Variants in RYR3 observed in about 807,000 individuals in gnomAD.
RYR3 encodes ryanodine receptor 3.
A neutral mutation model predicts 584.3 loss-of-function variants in RYR3; 207 were observed. The observed-to-expected ratio is 0.35, with a 90% CI of 0.32 to 0.40. The LOEUF is 0.40. RYR3 is among the 10% of genes least tolerant of loss of function. The pLI is 1.00. For missense variants in RYR3, 5,616 were observed against 6,089.2 expected, an observed-to-expected ratio of 0.92 and a Z score of 2.59; for synonymous variants, 2,416 against 2,248.5, an observed-to-expected ratio of 1.07 and a Z score of -2.11.
chr15:33,344,228 T>C (rs541351264), intron 1 of RYR3, among the ~76,000 whole-genome samples: 147 of 152,338 alleles, frequency 9.6e-4, no homozygotes, highest in African/African-American at 3.2e-3. Flanking sequence ...ATGGAAACTC[T>C]CTTGCTGACT....
At chr15:33,337,933 G>GTTTTT (rs1567050796) in intron 1 of RYR3, among the ~76,000 whole-genome samples, 3 of 84,118 alleles carry the variant, frequency 3.6e-5, no homozygotes, top group Non-Finnish European at 5.0e-5. Flanking sequence ...CATTTTAGGA[G>GTTTTT]ATTTTTTTTT....
intron 27 of RYR3, among the ~76,000 whole-genome samples, chr15:33,641,481 T>C (rs2061821494): frequency 6.6e-6 from 1 of 152,236 alleles, no homozygotes; most frequent in African/African-American, 2.4e-5. Context: ...GTTACAAGAT[T>C]TTTAAATGCC....
chr15:33,854,649 C>T, intron 97 of RYR3, 117 bp from the exon 98 acceptor site: 1 of 1,348,628 alleles, frequency 7.4e-7, no homozygotes, highest in Middle Eastern at 1.9e-4. Flanking sequence ...GCTCACAGCA[C>T]CTCAGCACCT....
chr15:33,539,719 A>C (rs942667177), intron 6 of RYR3, among the ~76,000 whole-genome samples: 4 of 152,176 alleles, frequency 2.6e-5, no homozygotes, highest in African/African-American at 9.7e-5. Context: ...CTTACTGATA[A>C]TGTGAATAGC....
At chr15:33,640,929 G>A (rs528158439) in intron 27 of RYR3, among the ~76,000 whole-genome samples, 47 of 152,254 alleles carry the variant, frequency 3.1e-4, no homozygotes, top group African/African-American at 1.1e-3. Flanking sequence ...ATTAAGCTGT[G>A]TGCAATATGG....
chr15:33,603,552 C>A (rs555971805), intron 18 of RYR3, among the ~76,000 whole-genome samples, 188 bp downstream of exon 18: 1 of 152,276 alleles, frequency 6.6e-6, no homozygotes, highest in African/African-American at 2.4e-5. Flanking sequence ...TCAGACAGTT[C>A]CTAGCTACAT....
At position 33,749,322 on chromosome 15, in the gene RYR3, G is replaced by A. The variant is rs142954916; in HGVS notation, c.8200-657G>A. Among the ~76,000 whole-genome samples, 5 of 152,256 alleles carry A rather than the reference G, an allele frequency of 3.3e-5. No individual in the cohort carries two copies. In the East Asian group the frequency reaches 9.7e-4, roughly 29 times the overall value. ...GGATATAGGAATGTAAGACCAAGGG[G>A]TTGAAACTGAAAGCCCTAAGCTGCT... On this transcript the variant is annotated intron_variant, in intron 55 of 103. Coordinates refer to ENST00000634891, the MANE Select transcript of RYR3 (RefSeq NM_001036.6).
chr15:33,686,269 C>A (rs1005757615), intron 38 of RYR3, among the ~76,000 whole-genome samples: 1 of 152,142 alleles, frequency 6.6e-6, no homozygotes. Flanking sequence ...CACAGAAATA[C>A]AAACTACCAT....
chr15:33,861,295 C>G (rs1209473701), intron 102 of RYR3, 117 bp downstream of exon 102: 1 of 664,096 alleles, frequency 1.5e-6, no homozygotes, highest in African/African-American at 1.8e-5. Context: ...TCCAGGAGTC[C>G]CCATGAGCCT....
intron 94 of RYR3, chr15:33,849,528 T>TA (rs1271033415): frequency 6.6e-6 from 1 of 152,230 alleles, no homozygotes; most frequent in Admixed American, 6.5e-5. Context: ...TTCTTTCCTG[T>TA]AACTATCCAA....
intron 11 of RYR3, among the ~76,000 whole-genome samples, chr15:33,563,616 A>C (rs906279240): frequency 2.4e-4 from 37 of 152,150 alleles, no homozygotes; most frequent in African/African-American, 8.2e-4. Flanking sequence ...AATGGATGTC[A>C]AAGATGTGAT....
At chr15:33,850,885 C>G (rs182951952) in intron 94 of RYR3, 4 of 152,250 alleles carry the variant, frequency 2.6e-5, no homozygotes, top group African/African-American at 9.6e-5. Context: ...AATTAGCAAT[C>G]AGTGATATTA....
intron 38 of RYR3, among the ~76,000 whole-genome samples, chr15:33,685,398 A>C (rs1044947486): frequency 1.3e-5 from 2 of 152,214 alleles, no homozygotes; most frequent in African/African-American, 2.4e-5. Context: ...AGAGCTAACT[A>C]TCCTAAATAT....
At chr15:33,831,897 C>T (rs1301099964) in intron 86 of RYR3, among the ~76,000 whole-genome samples, 2 of 152,046 alleles carry the variant, frequency 1.3e-5, no homozygotes, top group Non-Finnish European at 1.5e-5. Flanking sequence ...TTGTACTCTG[C>T]GCTGTGGTTC....
intron 18 of RYR3, among the ~76,000 whole-genome samples, chr15:33,606,042 T>G (rs1205244578): frequency 1.3e-5 from 2 of 152,196 alleles, no homozygotes; most frequent in Non-Finnish European, 2.9e-5. Context: ...CAATAGATTT[T>G]GCAGTAGTTG....
chr15:33,508,472 AC>A (rs969194965), intron 3 of RYR3, among the ~76,000 whole-genome samples: 2 of 151,948 alleles, frequency 1.3e-5, no homozygotes, highest in African/African-American at 4.8e-5. Context: ...ACACAGTGAA[AC>A]CCCATCTCTA....
intron 38 of RYR3, among the ~76,000 whole-genome samples, chr15:33,686,222 T>TA (rs1183924784): frequency 2.0e-5 from 3 of 151,806 alleles, no homozygotes; most frequent in Admixed American, 6.6e-5. Context: ...ATAGACGCAA[T>TA]AAAAAATCGT....
intron 57 of RYR3, among the ~76,000 whole-genome samples, chr15:33,754,606 C>T (rs1226705038): frequency 6.6e-6 from 1 of 152,196 alleles, no homozygotes; most frequent in Non-Finnish European, 1.5e-5. Context: ...TCTGCAAACC[C>T]TGGCAGTTTT....
chr15:33,493,302 C>T (rs1230011561), intron 2 of RYR3, among the ~76,000 whole-genome samples: 1 of 152,134 alleles, frequency 6.6e-6, no homozygotes, highest in East Asian at 1.9e-4. Flanking sequence ...TCTGCCTTTT[C>T]TCTCTCCTGG....
Sources: gnomAD v4.1 joint callset for allele counts (sites outside exome capture counted in the v4.1 genomes callset) on GRCh38, gnomAD v4.1.1 for gene constraint, MANE v1.5 for transcripts, NCBI Gene and HGNC (gene_info 2026-07-23, HGNC 2026-07-21) for gene names.